DAAM2: variants seen among roughly 807,000 people sequenced by gnomAD.
DAAM2 encodes dishevelled associated activator of morphogenesis 2.
A neutral mutation model predicts 120.7 loss-of-function variants in DAAM2; 39 were observed. The ratio of observed to expected loss-of-function variants is 0.32; its 90% CI spans 0.25 to 0.42. The LOEUF (loss-of-function observed/expected upper bound fraction) is 0.42. Among genes scored for constraint, DAAM2 ranks in the 10% least tolerant of loss-of-function variants. The pLI is 1.00. For synonymous variants in DAAM2, 488 were observed against 524.9 expected (o/e 0.93, Z 0.96); for missense variants, 1,283 against 1,401.7 (o/e 0.92, Z 1.35).
In DAAM2 at chr6:39,891,326, G is replaced by A. The variant is rs9394632; in HGVS notation, c.2146-15G>A. ...CTCACCAGTTGCTTGTGTGACTTGCGCCTGCTCTTTGCAGCTCCTCAAGTT... is the reference window on the plus strand; with the variant it reads ...CTCACCAGTTGCTTGTGTGACTTGCACCTGCTCTTTGCAGCTCCTCAAGTT... On this transcript the variant is annotated splice_polypyrimidine_tract_variant and intron_variant, in intron 17 of 24. Coordinates refer to ENST00000274867, the MANE Select transcript of DAAM2 (RefSeq NM_001201427.2). 92,459 of 1,581,900 alleles carry A rather than the reference G, an allele frequency of 0.058. 3,346 individuals are homozygous for A. Among genetic ancestry groups the A allele is most frequent in the East Asian group, 0.15 (6,694 of 44,010 alleles).
At position 39,903,928 on chromosome 6, in the gene DAAM2, T is replaced by G. The variant is rs1328648814; in HGVS notation, c.*1891T>G. 2 of 336,706 alleles carry G rather than the reference T, an allele frequency of 5.9e-6. No homozygotes were observed. The highest frequency in any genetic ancestry group is 4.3e-5 in the African/African-American group (2 of 46,498). The allele number at this position is 336,706 out of a possible 1,614,324, so 20.9% of individuals were successfully genotyped here. A position where few individuals can be genotyped will look rare whatever the true frequency, so the allele number is the denominator to read the frequency against. The stretch of plus-strand genomic sequence containing the variant: ...GATGAAGGCTTCCAGGCAGAACAGC[T>G]GCAGAGAGTTTGGCTATATGCATCT... On this transcript the variant is annotated 3_prime_UTR_variant, in exon 25 of 25. Transcript: ENST00000274867.
intron 1 of DAAM2, among the ~76,000 whole-genome samples, chr6:39,796,673 T>C (rs191481918): frequency 4.0e-5 from 6 of 150,788 alleles, no homozygotes; most frequent in Admixed American, 4.0e-4. Context: ...TTAGGCAGTT[T>C]GATGTCTCTT....
At chr6:39,797,684 AGAG>A (rs1761740349) in intron 1 of DAAM2, among the ~76,000 whole-genome samples, 1 of 152,194 alleles carries the variant, frequency 6.6e-6, no homozygotes, top group African/African-American at 2.4e-5. Context: ...CACTGGTCTA[AGAG>A]GAGTGAAAAG....
intron 1 of DAAM2, among the ~76,000 whole-genome samples, chr6:39,806,721 A>G (rs1247566721): frequency 2.6e-5 from 4 of 152,178 alleles, no homozygotes; most frequent in Non-Finnish European, 5.9e-5. Flanking sequence ...TGTAATGCTA[A>G]CATTAAAATG....
chr6:39,825,644 G>A (rs1227774150), intron 1 of DAAM2, among the ~76,000 whole-genome samples: 7 of 152,194 alleles, frequency 4.6e-5, no homozygotes, highest in Middle Eastern at 3.4e-3. Flanking sequence ...TGCTCCCACC[G>A]TGGCTGTGAT....
intron 5 of DAAM2, 46 bp from the exon 6 acceptor site, chr6:39,867,464 C>G: frequency 6.3e-7 from 1 of 1,581,660 alleles, no homozygotes; most frequent in Non-Finnish European, 8.7e-7. Flanking sequence ...AAAGTGTACA[C>G]AGAATCATAT....
chr6:39,831,494 T>C (rs930854274), intron 1 of DAAM2, among the ~76,000 whole-genome samples: 1 of 151,972 alleles, frequency 6.6e-6, no homozygotes, highest in Non-Finnish European at 1.5e-5. Flanking sequence ...ATGGGGAAAC[T>C]GAGGCACAGG....
chr6:39,800,545 A>G (rs944754190), intron 1 of DAAM2, among the ~76,000 whole-genome samples: 2 of 152,152 alleles, frequency 1.3e-5, no homozygotes, highest in African/African-American at 4.8e-5. Context: ...ATCCCTGTGT[A>G]GTGGACACTG....
intron 1 of DAAM2, among the ~76,000 whole-genome samples, chr6:39,811,487 T>A (rs1413239136): frequency 6.6e-6 from 1 of 152,074 alleles, no homozygotes; most frequent in African/African-American, 2.4e-5. Flanking sequence ...GAGGGGACTT[T>A]TGGGGAGAGC....
intron 9 of DAAM2, among the ~76,000 whole-genome samples, chr6:39,872,870 GCTCTC>G (rs962176828): frequency 1.5e-4 from 23 of 152,228 alleles, no homozygotes; most frequent in Non-Finnish European, 2.8e-4. Flanking sequence ...GGATGATTTT[GCTCTC>G]CTCTCCCCCT....
chr6:39,821,012 G>T (rs2114130080), intron 1 of DAAM2: 1 of 152,380 alleles, frequency 6.6e-6, no homozygotes, highest in Non-Finnish European at 1.5e-5. Context: ...CAGGAAAGTG[G>T]AGAAGCTTGT....
At chr6:39,815,008 A>G (rs774727107) in intron 1 of DAAM2, among the ~76,000 whole-genome samples, 1 of 152,212 alleles carries the variant, frequency 6.6e-6, no homozygotes, top group Non-Finnish European at 1.5e-5. Flanking sequence ...TCACTGCCAC[A>G]AACAGAGGGC....
chr6:39,887,103 G>C, intron 15 of DAAM2: 1 of 172,306 alleles, frequency 5.8e-6, no homozygotes, highest in Non-Finnish European at 1.2e-5. Context: ...GGGAATGGGA[G>C]TTGATTCTGT....
At chr6:39,893,000 C>T (rs1477368864) in intron 19 of DAAM2, among the ~76,000 whole-genome samples, 1 of 152,204 alleles carries the variant, frequency 6.6e-6, no homozygotes, top group South Asian at 2.1e-4. Flanking sequence ...ATGGGTGAAT[C>T]CTTATCTTCT....
intron 15 of DAAM2, chr6:39,887,254 A>AG (rs1293077549): frequency 4.3e-6 from 2 of 468,344 alleles, no homozygotes; most frequent in East Asian, 3.7e-5. Context: ...AAAAATAGGA[A>AG]GGGGGGCTTC....
chr6:39,876,320 A>G (rs1256334070), intron 11 of DAAM2, among the ~76,000 whole-genome samples: 3 of 152,224 alleles, frequency 2.0e-5, no homozygotes, highest in African/African-American at 7.2e-5. Context: ...TTGCATTCCA[A>G]AGCCAAGTAC....
At position 39,861,200 on chromosome 6, in the gene DAAM2, A is replaced by G. The variant is rs140152367; in HGVS notation, c.258+183A>G. ...TCTGCTGTCCTGGAGCTTACACTCA[A>G]AGAAATAGGATTCTCTTTTTCAAAA... On this transcript the variant is annotated intron_variant, in intron 3 of 24. Transcript: ENST00000274867. 330 of 681,342 alleles carry G rather than the reference A, an allele frequency of 4.8e-4. 5 individuals carry two copies. In the East Asian group the frequency reaches 9.2e-3, roughly 19 times the overall value. 42.2% of individuals were successfully genotyped at this position (681,342 alleles called of 1,614,324 possible).
chr6:39,840,790 G>T (rs371476136), intron 1 of DAAM2, among the ~76,000 whole-genome samples: 2 of 152,132 alleles, frequency 1.3e-5, no homozygotes, highest in African/African-American at 4.8e-5. Context: ...TACACTGTGC[G>T]ACACTGTCCC....
intron 1 of DAAM2, chr6:39,819,870 C>T (rs894545306): frequency 3.3e-5 from 5 of 152,238 alleles, no homozygotes; most frequent in Non-Finnish European, 7.3e-5. Context: ...AGGGGAGCTC[C>T]ACCCTCATGA....
Sources: gnomAD v4.1 joint callset for allele counts (sites outside exome capture counted in the v4.1 genomes callset) on GRCh38, gnomAD v4.1.1 for gene constraint, MANE v1.5 for transcripts, NCBI Gene and HGNC (gene_info 2026-07-23, HGNC 2026-07-21) for gene names.